The following LINC00305 variants were observed in gnomAD, a reference collection of about 807,000 sequenced individuals.
LINC00305 encodes the protein long independently transcribed non-coding RNA 305.
chr18:64,135,678 C>G (rs560511689), intron 1 of LINC00305, among the ~76,000 whole-genome samples: 1 of 152,070 alleles, frequency 6.6e-6, no homozygotes, highest in Non-Finnish European at 1.5e-5. Flanking sequence ...CTCCACCTCC[C>G]GGGTTCTAGT....
intron 1 of LINC00305, among the ~76,000 whole-genome samples, chr18:64,113,597 C>T (rs548195425): frequency 1.4e-4 from 22 of 152,240 alleles, no homozygotes; most frequent in African/African-American, 5.1e-4. Context: ...TGAGGAGACA[C>T]GCTTTCTGCT....
At chr18:64,132,518 G>A (rs534787743) in intron 1 of LINC00305, among the ~76,000 whole-genome samples, 2 of 152,018 alleles carry the variant, frequency 1.3e-5, no homozygotes, top group South Asian at 2.1e-4. Flanking sequence ...CTCCCCCCCC[G>A]AGTAACTCAT....
intron 1 of LINC00305, among the ~76,000 whole-genome samples, chr18:64,109,288 T>C (rs138970385): frequency 1.3e-5 from 2 of 152,294 alleles, no homozygotes; most frequent in Admixed American, 6.5e-5. Context: ...AAGAGTATGA[T>C]AGCTTGTCAT....
At chr18:64,110,378 T>G (rs1056104124) in intron 1 of LINC00305, among the ~76,000 whole-genome samples, 16 of 152,304 alleles carry the variant, frequency 1.1e-4, no homozygotes, top group Admixed American at 1.0e-3. Context: ...GCACATTCAG[T>G]TCAGCTGGAG....
At chr18:64,110,880 T>G (rs1388822874) in intron 1 of LINC00305, among the ~76,000 whole-genome samples, 1 of 152,208 alleles carries the variant, frequency 6.6e-6, no homozygotes, top group Non-Finnish European at 1.5e-5. Context: ...TTGCTGTGGA[T>G]GGACGCACTG....
intron 1 of LINC00305, chr18:64,147,198 T>A (rs1008250237): frequency 6.6e-6 from 1 of 152,164 alleles, no homozygotes; most frequent in Non-Finnish European, 1.5e-5. Context: ...GCCTTATTCA[T>A]TCCCTTCAGA....
intron 1 of LINC00305, among the ~76,000 whole-genome samples, chr18:64,118,824 CTGTGTG>C (rs58215196): frequency 0.18 from 25,257 of 144,198 alleles, 2,147 homozygotes; most frequent in Non-Finnish European, 0.19. Flanking sequence ...CCCTGGGGGT[CTGTGTG>C]TGTGTGTGTG....
At chr18:64,140,533 C>G (rs1217828294) in intron 1 of LINC00305, among the ~76,000 whole-genome samples, 1 of 152,092 alleles carries the variant, frequency 6.6e-6, no homozygotes, top group Non-Finnish European at 1.5e-5. Context: ...GTACTTTTCC[C>G]TACATGGTAG....
intron 3 of LINC00305, among the ~76,000 whole-genome samples, chr18:64,096,180 CAT>C (rs1430004225): frequency 6.6e-6 from 1 of 151,868 alleles, no homozygotes. Context: ...TGCATAATAA[CAT>C]AAAACTTGAT....
chr18:64,143,617 C>CACATATGTATATGTACATATGTGT (rs1568120145), intron 1 of LINC00305, among the ~76,000 whole-genome samples: 3 of 115,028 alleles, frequency 2.6e-5, no homozygotes, highest in African/African-American at 1.1e-4. Context: ...TACATATGTA[C>CACATATGTATATGTACATATGTGT]ACATATGTAT....
chr18:64,089,542 T>C (rs184637530), intron 3 of LINC00305, among the ~76,000 whole-genome samples: 1 of 152,340 alleles, frequency 6.6e-6, no homozygotes, highest in East Asian at 1.9e-4. Context: ...GAAAGCCACT[T>C]GTCAAAGTAG....
At chr18:64,105,459 A>AAAAC (rs372753743) in intron 1 of LINC00305, among the ~76,000 whole-genome samples, 10 of 152,308 alleles carry the variant, frequency 6.6e-5, no homozygotes, top group Admixed American at 2.6e-4. Flanking sequence ...ATTCCGTCTC[A>AAAAC]AAACAAACAA....
At chr18:64,138,421 T>G (rs1213565660) in intron 1 of LINC00305, among the ~76,000 whole-genome samples, 1 of 152,180 alleles carries the variant, frequency 6.6e-6, no homozygotes, top group African/African-American at 2.4e-5. Context: ...TGGACACAAG[T>G]GAGAAGTAAA....
At chr18:64,133,607 G>A (rs147915842) in intron 1 of LINC00305, among the ~76,000 whole-genome samples, 3 of 152,286 alleles carry the variant, frequency 2.0e-5, no homozygotes, top group East Asian at 1.9e-4. Flanking sequence ...CAGACATGGA[G>A]TGTCCTAAGT....
At chr18:64,090,597 C>A (rs1016419533) in intron 3 of LINC00305, among the ~76,000 whole-genome samples, 1 of 152,152 alleles carries the variant, frequency 6.6e-6, no homozygotes, top group African/African-American at 2.4e-5. Flanking sequence ...GGACTTGGTG[C>A]AGAATGAAAA....
At chr18:64,094,096 C>T (rs1479621299) in intron 3 of LINC00305, among the ~76,000 whole-genome samples, 1 of 152,132 alleles carries the variant, frequency 6.6e-6, no homozygotes, top group African/African-American at 2.4e-5. Context: ...TAAGATGAAA[C>T]TTGATGGAGT....
intron 1 of LINC00305, among the ~76,000 whole-genome samples, chr18:64,119,441 T>C (rs575755785): frequency 6.6e-6 from 1 of 152,278 alleles, no homozygotes; most frequent in South Asian, 2.1e-4. Flanking sequence ...TCACTGCAAT[T>C]AAAGTTATAT....
chr18:64,129,843 G>GA (rs1227969397), intron 1 of LINC00305, among the ~76,000 whole-genome samples: 13 of 152,162 alleles, frequency 8.5e-5, no homozygotes, highest in Admixed American at 2.6e-4. Flanking sequence ...ATTGGTAAAG[G>GA]CAGAAAGAGG....
chr18:64,146,320 C>G (rs1218380622), intron 1 of LINC00305, among the ~76,000 whole-genome samples: 1 of 152,174 alleles, frequency 6.6e-6, no homozygotes, highest in East Asian at 1.9e-4. Flanking sequence ...TCCCAAGAAA[C>G]AGCTCCCATT....
Sources: gnomAD v4.1 joint callset for allele counts (sites outside exome capture counted in the v4.1 genomes callset) on GRCh38, gnomAD v4.1.1 for gene constraint, MANE v1.5 for transcripts, NCBI Gene and HGNC (gene_info 2026-07-23, HGNC 2026-07-21) for gene names.